Variants in SCAPER observed in about 807,000 individuals in gnomAD.
SCAPER encodes the protein S phase cyclin A-associated protein in the endoplasmic reticulum.
A neutral mutation model predicts 182.2 loss-of-function variants in SCAPER; 98 were observed. That is an observed-to-expected ratio of 0.54 (90% confidence interval 0.46 to 0.64). The LOEUF is 0.64. SCAPER is among the 30% of genes least tolerant of loss of function. The pLI is 0.00. For missense variants in SCAPER, 1,432 were observed against 1,690.0 expected, an observed-to-expected ratio of 0.85 and a Z score of 2.68; for synonymous variants, 605 against 564.6, an observed-to-expected ratio of 1.07 and a Z score of -1.01.
chr15:76,716,853 A>T (rs138486571), intron 17 of SCAPER, among the ~76,000 whole-genome samples: 1 of 152,178 alleles, frequency 6.6e-6, no homozygotes, highest in African/African-American at 2.4e-5. Flanking sequence ...GGTTTATATA[A>T]ATAAAATAAT....
At chr15:76,525,714 A>G (rs555449648) in intron 23 of SCAPER, among the ~76,000 whole-genome samples, 5 of 152,296 alleles carry the variant, frequency 3.3e-5, no homozygotes, top group Middle Eastern at 3.4e-3. Flanking sequence ...GCTGTGTAGT[A>G]TTCAATGGTG....
chr15:76,519,301 TA>T (rs1453291085), intron 23 of SCAPER, among the ~76,000 whole-genome samples: 1 of 152,066 alleles, frequency 6.6e-6, no homozygotes, highest in Non-Finnish European at 1.5e-5. Flanking sequence ...AAAATAAATG[TA>T]AAGATCCTAA....
At chr15:76,444,210 G>A (rs893445589) in intron 25 of SCAPER, among the ~76,000 whole-genome samples, 1 of 152,070 alleles carries the variant, frequency 6.6e-6, no homozygotes, top group Non-Finnish European at 1.5e-5. Flanking sequence ...GTCTCCTTCT[G>A]ACTTCTTGTT....
At chr15:76,468,920 A>T (rs1349493291) in intron 25 of SCAPER, among the ~76,000 whole-genome samples, 1 of 152,122 alleles carries the variant, frequency 6.6e-6, no homozygotes, top group Non-Finnish European at 1.5e-5. Flanking sequence ...ATAAAGTGAC[A>T]AGTCAGCAGT....
chr15:76,432,944 G>C (rs186813448), intron 26 of SCAPER, among the ~76,000 whole-genome samples: 2 of 152,324 alleles, frequency 1.3e-5, no homozygotes, highest in East Asian at 3.9e-4. Flanking sequence ...GGGCTGCAAA[G>C]CCTCTACTAC....
chr15:76,616,633 TTCA>T (rs1363702668), intron 22 of SCAPER, among the ~76,000 whole-genome samples: 1 of 152,168 alleles, frequency 6.6e-6, no homozygotes, highest in Non-Finnish European at 1.5e-5. Flanking sequence ...CTATATGTAT[TTCA>T]TCACCATTTT....
chr15:76,580,184 T>G (rs773508570), intron 22 of SCAPER, among the ~76,000 whole-genome samples: 3 of 152,168 alleles, frequency 2.0e-5, no homozygotes, highest in Non-Finnish European at 2.9e-5. Flanking sequence ...CTACTAGATA[T>G]TTACAGAACA....
At chr15:76,704,836 C>T (rs1342383768) in intron 18 of SCAPER, among the ~76,000 whole-genome samples, 1 of 152,124 alleles carries the variant, frequency 6.6e-6, no homozygotes, top group Non-Finnish European at 1.5e-5. Context: ...CAAATCAAAA[C>T]CACAATGAGA....
At chr15:76,399,963 C>T (rs539798729) in intron 27 of SCAPER, among the ~76,000 whole-genome samples, 38 of 150,496 alleles carry the variant, frequency 2.5e-4, no homozygotes, top group South Asian at 6.3e-4. Flanking sequence ...CGAGATGGCG[C>T]CACTGCACTC....
At chr15:76,589,028 GCAGGACTAC>G (rs1179014446) in intron 22 of SCAPER, among the ~76,000 whole-genome samples, 2 of 152,088 alleles carry the variant, frequency 1.3e-5, no homozygotes, top group Admixed American at 6.6e-5. Context: ...TAGCCACACA[GCAGGACTAC>G]CAGGCTCCAG....
intron 26 of SCAPER, among the ~76,000 whole-genome samples, chr15:76,421,195 C>T (rs1162887422): frequency 6.6e-6 from 1 of 152,216 alleles, no homozygotes; most frequent in East Asian, 1.9e-4. Flanking sequence ...GGAATTGCCA[C>T]ACTGTCTTCC....
intron 29 of SCAPER, among the ~76,000 whole-genome samples, chr15:76,367,412 G>T (rs1298586644): frequency 1.3e-5 from 2 of 152,184 alleles, no homozygotes; most frequent in African/African-American, 2.4e-5. Context: ...GAAGACCAAG[G>T]CAAGTCCAGA....
At chr15:76,677,126 A>C (rs912850064) in intron 20 of SCAPER, among the ~76,000 whole-genome samples, 2 of 152,122 alleles carry the variant, frequency 1.3e-5, no homozygotes, top group Admixed American at 1.3e-4. Flanking sequence ...ACTCATTTTC[A>C]AAATGTGAAT....
intron 1 of SCAPER, among the ~76,000 whole-genome samples, chr15:76,890,189 G>C (rs1487513875): frequency 6.6e-6 from 1 of 152,180 alleles, no homozygotes; most frequent in African/African-American, 2.4e-5. Context: ...GAAATTTATA[G>C]CACTAAATGC....
chr15:76,692,558 G>C (rs1204464101), intron 20 of SCAPER, among the ~76,000 whole-genome samples: 1 of 151,786 alleles, frequency 6.6e-6, no homozygotes, highest in Non-Finnish European at 1.5e-5. Flanking sequence ...ATATGGAGGT[G>C]CATGTCTGTA....
Position 76,597,377 on chromosome 15 carries a change from C to T in SCAPER, c.2712-23093G>A, listed in dbSNP as rs138668171. Among the ~76,000 whole-genome samples, 113 of 121,936 alleles carry T rather than the reference C, an allele frequency of 9.3e-4. 15 individuals carry two copies. The highest frequency in any genetic ancestry group is 2.2e-3 in the African/African-American group (87 of 39,906). The allele number at this position is 121,936 out of a possible 152,430, so 80.0% of individuals were successfully genotyped here. A position where few individuals can be genotyped will look rare whatever the true frequency, so the allele number is the denominator to read the frequency against. ...TCAAATCATGAAAATGGCCACACTGCCAAAAGTAATTTACAGATTCAGTGG... is the reference window on the plus strand; with the variant it reads ...TCAAATCATGAAAATGGCCACACTGTCAAAAGTAATTTACAGATTCAGTGG... On this transcript the variant is annotated intron_variant, in intron 22 of 31. Transcript: ENST00000563290.
At chr15:76,421,732 C>T (rs1336652974) in intron 26 of SCAPER, among the ~76,000 whole-genome samples, 1 of 152,006 alleles carries the variant, frequency 6.6e-6, no homozygotes, top group East Asian at 1.9e-4. Flanking sequence ...CTAGGTTTTC[C>T]TCTAGGGTTT....
At chr15:76,748,927 G>GA (rs55923176) in intron 15 of SCAPER, among the ~76,000 whole-genome samples, 15 of 145,530 alleles carry the variant, frequency 1.0e-4, no homozygotes, top group South Asian at 2.2e-4. Flanking sequence ...GATTTTACAA[G>GA]AAAAAAAAAA....
intron 5 of SCAPER, among the ~76,000 whole-genome samples, chr15:76,807,262 A>G (rs1381454470): frequency 6.6e-6 from 1 of 152,220 alleles, no homozygotes; most frequent in African/African-American, 2.4e-5. Flanking sequence ...ATGAAATGGT[A>G]TTGGCTTTTG....
Sources: gnomAD v4.1 joint callset for allele counts (sites outside exome capture counted in the v4.1 genomes callset) on GRCh38, gnomAD v4.1.1 for gene constraint, MANE v1.5 for transcripts, NCBI Gene and HGNC (gene_info 2026-07-23, HGNC 2026-07-21) for gene names.